NPAS3: variants seen among roughly 807,000 people sequenced by gnomAD.
NPAS3 encodes the protein neuronal PAS domain protein 3.
Under a neutral mutation model 73.1 loss-of-function variants are expected in NPAS3, and 14 were observed. The ratio of observed to expected loss-of-function variants is 0.19; its 90% CI spans 0.13 to 0.30. The LOEUF is 0.30. Among genes scored for constraint, NPAS3 ranks in the 10% least tolerant of loss-of-function variants. The probability of loss-of-function intolerance (pLI) is 1.00; values close to 1 mark genes in which losing one functional copy is unlikely to be tolerated. For missense variants in NPAS3, 1,096 were observed against 1,250.0 expected (o/e 0.88, Z 1.86); for synonymous variants, 620 against 541.5 (o/e 1.14, Z -2.01).
At chr14:33,641,569 A>T (rs569838867) in intron 5 of NPAS3, among the ~76,000 whole-genome samples, 45 of 152,182 alleles carry the variant, frequency 3.0e-4, no homozygotes, top group Non-Finnish European at 7.4e-5. Context: ...TATTAACTTC[A>T]CAAGGAGAGT....
intron 2 of NPAS3, among the ~76,000 whole-genome samples, chr14:33,063,004 T>C (rs1595361856): frequency 6.6e-6 from 1 of 152,354 alleles, no homozygotes; most frequent in African/African-American, 2.4e-5. Context: ...CATGCAGTAA[T>C]GTTTAGTCAT....
intron 5 of NPAS3, among the ~76,000 whole-genome samples, chr14:33,561,319 T>C (rs1475549750): frequency 6.6e-6 from 1 of 152,036 alleles, no homozygotes; most frequent in Non-Finnish European, 1.5e-5. Context: ...TGGAAAATAA[T>C]AGAGAGAGAG....
intron 4 of NPAS3, among the ~76,000 whole-genome samples, chr14:33,522,426 A>G (rs952708179): frequency 2.6e-5 from 4 of 152,122 alleles, no homozygotes; most frequent in Non-Finnish European, 5.9e-5. Context: ...TGTGGGTGAG[A>G]AATGTTCCTC....
At chr14:33,667,565 A>AACTT (rs1225717581) in intron 5 of NPAS3, among the ~76,000 whole-genome samples, 7 of 152,212 alleles carry the variant, frequency 4.6e-5, no homozygotes, top group Admixed American at 4.6e-4. Flanking sequence ...TTGTGAATTT[A>AACTT]ACTTATTCCT....
At chr14:33,126,596 A>G (rs1284208269) in intron 2 of NPAS3, among the ~76,000 whole-genome samples, 1 of 152,074 alleles carries the variant, frequency 6.6e-6, no homozygotes, top group African/African-American at 2.4e-5. Flanking sequence ...GAAGTGATGG[A>G]TGGGAAGGGC....
chr14:33,594,682 G>C (rs1253537734), intron 5 of NPAS3, among the ~76,000 whole-genome samples: 2 of 152,174 alleles, frequency 1.3e-5, no homozygotes, highest in Non-Finnish European at 2.9e-5. Flanking sequence ...CACACTGAAG[G>C]TGGGCCTCAC....
chr14:32,935,666 A>T (rs1212136939), upstream of NPAS3, among the ~76,000 whole-genome samples: 2 of 152,218 alleles, frequency 1.3e-5, no homozygotes, highest in Admixed American at 6.5e-5. Context: ...TTAAAGTATT[A>T]TTTGTAGTTC....
rs141959357 is a variant in NPAS3, at chr14:33,367,160, TTTTC to T, written c.386-14_386-11del. On this transcript the variant is annotated intron_variant, in intron 3 of 11. Transcript: ENST00000356141. ...TCAGAGCTCCAACTTAATTGTTCTG[TTTTC>T]TTTCTTTCTTTTTCTTTTAAGTTAT... 0.012 allele frequency: 9,655 copies of T among 827,556 alleles called. 77 individuals carry two copies. The highest frequency in any genetic ancestry group is 0.023 in the Middle Eastern group (100 of 4,408). 51.3% of individuals were successfully genotyped at this position (827,556 alleles called of 1,614,324 possible).
At chr14:33,272,498 C>T (rs1016308375) in intron 3 of NPAS3, among the ~76,000 whole-genome samples, 2 of 152,284 alleles carry the variant, frequency 1.3e-5, no homozygotes, top group African/African-American at 4.8e-5. Flanking sequence ...CTCACTGCAA[C>T]CTCTGCCTCC....
intron 7 of NPAS3, 67 bp downstream of exon 7, chr14:33,735,399 T>G (rs2061497923): frequency 9.1e-7 from 1 of 1,100,952 alleles, no homozygotes; most frequent in East Asian, 2.4e-5. Flanking sequence ...GCATTGAATT[T>G]TCCAGCTGCT....
chr14:33,200,369 G>A (rs1343908743), intron 2 of NPAS3, among the ~76,000 whole-genome samples: 2 of 152,150 alleles, frequency 1.3e-5, no homozygotes, highest in East Asian at 3.9e-4. Flanking sequence ...AGTAAAAGCA[G>A]AAACACAATC....
At chr14:33,257,081 A>C (rs2048804370) in intron 3 of NPAS3, among the ~76,000 whole-genome samples, 1 of 152,046 alleles carries the variant, frequency 6.6e-6, no homozygotes, top group Non-Finnish European at 1.5e-5. Context: ...TTTCTTTCCC[A>C]CTGGGCGCCA....
chr14:33,052,631 TATTTC>T (rs2040750395), intron 1 of NPAS3, among the ~76,000 whole-genome samples: 1 of 152,208 alleles, frequency 6.6e-6, no homozygotes, highest in Non-Finnish European at 1.5e-5. Flanking sequence ...TTAGATAATG[TATTTC>T]ATCCTTGCTC....
intron 2 of NPAS3, among the ~76,000 whole-genome samples, chr14:33,156,976 C>T (rs1426126170): frequency 6.6e-6 from 1 of 152,114 alleles, no homozygotes; most frequent in African/African-American, 2.4e-5. Context: ...ACTGTAGTTA[C>T]ATTTACCAAA....
At chr14:33,055,026 G>A (rs1385489506) in intron 1 of NPAS3, among the ~76,000 whole-genome samples, 1 of 152,000 alleles carries the variant, frequency 6.6e-6, no homozygotes, top group South Asian at 2.1e-4. Flanking sequence ...CTAATATGCT[G>A]GTATTAGAGC....
intron 4 of NPAS3, among the ~76,000 whole-genome samples, chr14:33,461,697 C>T (rs914360878): frequency 2.6e-5 from 4 of 152,140 alleles, no homozygotes; most frequent in Non-Finnish European, 5.9e-5. Flanking sequence ...GAAATCTGAC[C>T]TTGCACTTAG....
At chr14:33,041,568 A>G (rs1330594147) in intron 1 of NPAS3, among the ~76,000 whole-genome samples, 1 of 152,170 alleles carries the variant, frequency 6.6e-6, no homozygotes, top group Non-Finnish European at 1.5e-5. Context: ...CTGTGACCAT[A>G]TATTAGCCAA....
chr14:33,593,003 C>T (rs1045812761), intron 5 of NPAS3, among the ~76,000 whole-genome samples: 1 of 152,012 alleles, frequency 6.6e-6, no homozygotes, highest in Non-Finnish European at 1.5e-5. Context: ...AGACACATCT[C>T]GTAGAAGGTA....
At chr14:33,580,419 A>G (rs2056616797) in intron 5 of NPAS3, among the ~76,000 whole-genome samples, 1 of 152,204 alleles carries the variant, frequency 6.6e-6, no homozygotes, top group African/African-American at 2.4e-5. Context: ...CAATAAAGGG[A>G]GAGGGAAATG....
Sources: gnomAD v4.1 joint callset for allele counts (sites outside exome capture counted in the v4.1 genomes callset) on GRCh38, gnomAD v4.1.1 for gene constraint, MANE v1.5 for transcripts, NCBI Gene and HGNC (gene_info 2026-07-23, HGNC 2026-07-21) for gene names.